The following CBFA2T2 variants were observed in gnomAD, a reference collection of about 807,000 sequenced individuals.
CBFA2T2 encodes CBFA2/RUNX1 partner transcriptional co-repressor 2.
CBFA2T2 carries 11 observed loss-of-function variants against 62.2 expected under a neutral mutation model. The observed-to-expected ratio is 0.18, with a 90% CI of 0.11 to 0.29. The LOEUF (loss-of-function observed/expected upper bound fraction) is 0.29. Among genes scored for constraint, CBFA2T2 ranks in the 10% least tolerant of loss-of-function variants. CBFA2T2 has a pLI of 1.00. For synonymous variants in CBFA2T2, 295 were observed against 287.5 expected (o/e 1.03, Z -0.27); for missense variants, 592 against 774.1 (o/e 0.76, Z 2.79).
In CBFA2T2 at chr20:33,523,692, TTTC is replaced by T. The variant is rs2011798245; in HGVS notation, c.34+33394_34+33396del. Among the ~76,000 whole-genome samples the T allele has an allele frequency of 2.0e-5, 3 of 151,540 alleles. No homozygotes were observed. The South Asian group carries it at 6.3e-4, about 32-fold the overall frequency. The stretch of plus-strand genomic sequence containing the variant: ...CTATGTGTTGTGTTTTTTGTTTTGT[TTTC>T]TTTTTTTCCCAGGATGGAATTTCAC... On this transcript the variant is annotated intron_variant, in intron 1 of 10. Coordinates refer to ENST00000342704, the MANE Select transcript of CBFA2T2 (RefSeq NM_001032999.3).
intron 1 of CBFA2T2, among the ~76,000 whole-genome samples, chr20:33,589,741 A>G (rs1213614647): frequency 6.6e-6 from 1 of 152,212 alleles, no homozygotes; most frequent in Non-Finnish European, 1.5e-5. Context: ...GAATCCAGCC[A>G]CTGCCTCATA....
At chr20:33,541,731 G>T (rs1172402219) in intron 1 of CBFA2T2, among the ~76,000 whole-genome samples, 1 of 152,112 alleles carries the variant, frequency 6.6e-6, no homozygotes, top group Non-Finnish European at 1.5e-5. Flanking sequence ...AGCCTTTATT[G>T]TTCTTTGCCT....
chr20:33,609,876 T>C (rs565207402), intron 2 of CBFA2T2, among the ~76,000 whole-genome samples: 7 of 152,388 alleles, frequency 4.6e-5, no homozygotes, highest in African/African-American at 1.7e-4. Flanking sequence ...TTGTTTCTTA[T>C]GTTTTTAGAT....
chr20:33,530,656 G>T (rs1298945443), intron 1 of CBFA2T2, among the ~76,000 whole-genome samples: 1 of 151,462 alleles, frequency 6.6e-6, no homozygotes, highest in Non-Finnish European at 1.5e-5. Flanking sequence ...TAAGTGATCC[G>T]CCCACCTCCA....
intron 1 of CBFA2T2, among the ~76,000 whole-genome samples, chr20:33,516,227 TG>T (rs1225748337): frequency 1.3e-5 from 2 of 152,178 alleles, no homozygotes; most frequent in African/African-American, 4.8e-5. Context: ...CCCAGCACTT[TG>T]GGAGTCCGAG....
chr20:33,561,537 T>G (rs1248898215), intron 1 of CBFA2T2, among the ~76,000 whole-genome samples: 2 of 152,254 alleles, frequency 1.3e-5, no homozygotes. Context: ...CCTTCGATTT[T>G]TATTTAGCAG....
chr20:33,541,621 T>C (rs538223609), intron 1 of CBFA2T2, among the ~76,000 whole-genome samples: 20 of 152,224 alleles, frequency 1.3e-4, no homozygotes, highest in Non-Finnish European at 2.9e-5. Flanking sequence ...TCCACAGTTA[T>C]GTTCCTGGTT....
intron 1 of CBFA2T2, among the ~76,000 whole-genome samples, chr20:33,588,346 G>A (rs1431744935): frequency 6.6e-6 from 1 of 150,662 alleles, no homozygotes; most frequent in African/African-American, 2.4e-5. Flanking sequence ...ATAGAAACAG[G>A]TGCAAATGAA....
At chr20:33,611,031 A>AT (rs2015504076) in intron 2 of CBFA2T2, 63 bp from the exon 3 acceptor site, 1 of 1,590,710 alleles carries the variant, frequency 6.3e-7, no homozygotes, top group Non-Finnish European at 8.6e-7. Context: ...AAACAAGAAA[A>AT]AATGAACAAA....
Position 33,490,106 on chromosome 20 carries a change from G to GCGA in CBFA2T2, c.-159_-157dup. ...CGGCCTAACGGCGGCGGCGGCGGCG[G>GCGA]CGACGGCGACAGCAGCGGTGGTGGT... is the stretch of plus-strand genomic sequence containing the variant. On this transcript the variant is annotated 5_prime_UTR_variant, in exon 1 of 11. Transcript: ENST00000342704. 2 of 693,130 alleles carry GCGA rather than the reference G, an allele frequency of 2.9e-6. No homozygotes were observed. The highest frequency in any genetic ancestry group is 3.8e-6 in the Non-Finnish European group (2 of 531,400). 42.9% of individuals were successfully genotyped at this position (693,130 alleles called of 1,614,324 possible). A position where few individuals can be genotyped will look rare whatever the true frequency, so the allele number is the denominator to read the frequency against.
chr20:33,545,111 AT>A (rs1232009778), intron 1 of CBFA2T2, among the ~76,000 whole-genome samples: 2 of 152,182 alleles, frequency 1.3e-5, no homozygotes, highest in East Asian at 1.9e-4. Context: ...TGTTTTTCAC[AT>A]TTTTTGGTAT....
intron 10 of CBFA2T2, among the ~76,000 whole-genome samples, chr20:33,642,359 T>C (rs2016890180): frequency 6.6e-6 from 1 of 152,026 alleles, no homozygotes; most frequent in Admixed American, 6.6e-5. Flanking sequence ...CTCAGCACTT[T>C]GGGAGGCCAA....
intron 1 of CBFA2T2, among the ~76,000 whole-genome samples, chr20:33,577,581 T>C (rs1011734815): frequency 1.3e-5 from 2 of 152,254 alleles, no homozygotes; most frequent in African/African-American, 4.8e-5. Flanking sequence ...ACAGGAACTA[T>C]ATAGTAGAAT....
At chr20:33,643,805 A>AG (rs1314862469) in intron 10 of CBFA2T2, among the ~76,000 whole-genome samples, 2 of 23,744 alleles carry the variant, frequency 8.4e-5, no homozygotes, top group African/African-American at 3.9e-4. Context: ...ATATATATAT[A>AG]TATATATATA....
chr20:33,490,137 G>GT lies in CBFA2T2; in HGVS notation c.-129dup, dbSNP rs2011135341. 2 of 960,164 alleles carry GT rather than the reference G, an allele frequency of 2.1e-6. No individual in the cohort carries two copies. The highest frequency in any genetic ancestry group is 2.6e-6 in the Non-Finnish European group (2 of 756,718). The allele number at this position is 960,164 out of a possible 1,614,324, so 59.5% of individuals were successfully genotyped here. A position where few individuals can be genotyped will look rare whatever the true frequency, so the allele number is the denominator to read the frequency against. On this transcript the variant is annotated 5_prime_UTR_variant, in exon 1 of 11. Coordinates refer to ENST00000342704, the MANE Select transcript of CBFA2T2 (RefSeq NM_001032999.3). ...GCGACAGCAGCGGTGGTGGTGTCTG[G>GT]TTAGCTCGGCGGCTGCAGATCTCGC...
intron 1 of CBFA2T2, among the ~76,000 whole-genome samples, chr20:33,575,847 A>C (rs2013798378): frequency 1.3e-5 from 2 of 151,896 alleles, no homozygotes. Flanking sequence ...GCGCGATCTC[A>C]GCTCACTGCA....
chr20:33,508,977 T>G (rs1398003445), intron 1 of CBFA2T2, among the ~76,000 whole-genome samples: 1 of 152,238 alleles, frequency 6.6e-6, no homozygotes, highest in Non-Finnish European at 1.5e-5. Context: ...TTTGTACATT[T>G]ATTCATTTGC....
rs114532848 is a variant in CBFA2T2 at position 33,635,067 on chromosome 20, A to G, written c.1229-1573A>G. ...AGTAGAGAGGATAGAATAGTTATTG[A>G]AATAATTCCAAAAAATTACCAAGAC... On this transcript the variant is annotated intron_variant, in intron 8 of 10. Transcript: ENST00000342704. Among the ~76,000 whole-genome samples the G allele has an allele frequency of 3.5e-3, 534 of 152,346 alleles. 4 individuals are homozygous for G. The highest frequency in any genetic ancestry group is 0.012 in the African/African-American group (511 of 41,580).
intron 1 of CBFA2T2, among the ~76,000 whole-genome samples, chr20:33,545,841 CTT>C (rs1317669335): frequency 2.0e-5 from 3 of 152,202 alleles, no homozygotes; most frequent in African/African-American, 7.2e-5. Flanking sequence ...ATATGGAAGA[CTT>C]TTGAACAAAT....
Sources: gnomAD v4.1 joint callset for allele counts (sites outside exome capture counted in the v4.1 genomes callset) on GRCh38, gnomAD v4.1.1 for gene constraint, MANE v1.5 for transcripts, NCBI Gene and HGNC (gene_info 2026-07-23, HGNC 2026-07-21) for gene names.